The following OR1J2 variants were observed in gnomAD, a reference collection of about 807,000 sequenced individuals.
OR1J2 encodes the protein olfactory receptor family 1 subfamily J member 2.
For missense variants in OR1J2, 304 were observed against 246.1 expected (o/e 1.24, Z -1.57); for synonymous variants, 142 against 99.7 (o/e 1.42, Z -2.52).
At chr9:122,537,477 C>G in the OR1J2 span, among the ~76,000 whole-genome samples, 7 of 152,142 alleles carry the variant, frequency 4.6e-5, no homozygotes, top group Non-Finnish European at 1.0e-4. Context: ...TCTCTCTCTT[C>G]CCTCACTTCC....
At chr9:122,549,999 T>C in the OR1J2 span, among the ~76,000 whole-genome samples, 2 of 152,192 alleles carry the variant, frequency 1.3e-5, no homozygotes, top group Non-Finnish European at 2.9e-5. Context: ...GATCATGGGA[T>C]GTTTTTCCAT....
At chr9:122,453,567 G>A in the OR1J2 span, among the ~76,000 whole-genome samples, 1 of 152,126 alleles carries the variant, frequency 6.6e-6, no homozygotes, top group Non-Finnish European at 1.5e-5. Flanking sequence ...GAGATTGTAG[G>A]GTTATCATAC....
chr9:122,465,389 A>G, the OR1J2 span, among the ~76,000 whole-genome samples: 442 of 152,316 alleles, frequency 2.9e-3, 1 homozygote, highest in African/African-American at 0.01. Flanking sequence ...AATAAGCAGA[A>G]TGGGATCCCA....
chr9:122,526,091 G>T, the OR1J2 span, among the ~76,000 whole-genome samples: 2 of 152,224 alleles, frequency 1.3e-5, no homozygotes, highest in Middle Eastern at 6.8e-3. Flanking sequence ...AATACTAATA[G>T]TAATAATAAT....
the OR1J2 span, among the ~76,000 whole-genome samples, chr9:122,483,100 G>C: frequency 6.0e-4 from 92 of 152,226 alleles, 1 homozygote; most frequent in African/African-American, 2.2e-3. Flanking sequence ...ACATCACACT[G>C]TACCCCATAA....
chr9:122,470,186 G>A, the OR1J2 span, among the ~76,000 whole-genome samples: 1 of 152,216 alleles, frequency 6.6e-6, no homozygotes, highest in Non-Finnish European at 1.5e-5. Context: ...AGACCTGGAG[G>A]TCTAGGAGGG....
At chr9:122,562,810 G>A in the OR1J2 span, among the ~76,000 whole-genome samples, 18 of 151,870 alleles carry the variant, frequency 1.2e-4, no homozygotes, top group Non-Finnish European at 4.4e-5. Flanking sequence ...ACATAATGTC[G>A]ACTAGGTTCA....
the OR1J2 span, chr9:122,567,612 A>G: frequency 6.2e-7 from 1 of 1,613,078 alleles, no homozygotes; most frequent in Non-Finnish European, 8.5e-7. Context: ...CAGGCTGTAG[A>G]TAAAAGGATT....
At chr9:122,512,512 C>A (rs1435532645), downstream of OR1J2, among the ~76,000 whole-genome samples, 2 of 152,202 alleles carry the variant, frequency 1.3e-5, no homozygotes, top group Non-Finnish European at 2.9e-5. Context: ...ATTTATAACA[C>A]CTCATCTGAA....
chr9:122,535,124 G>A, the OR1J2 span, among the ~76,000 whole-genome samples: 54 of 151,962 alleles, frequency 3.6e-4, no homozygotes, highest in African/African-American at 1.3e-3. Flanking sequence ...TAGAGACATG[G>A]AGAGAAGGGA....
chr9:122,453,791 A>G, the OR1J2 span, among the ~76,000 whole-genome samples: 1 of 152,212 alleles, frequency 6.6e-6, no homozygotes, highest in Non-Finnish European at 1.5e-5. Context: ...CTAGACTCCA[A>G]TATGCTAGGC....
chr9:122,481,297 ATTTC>A, the OR1J2 span, among the ~76,000 whole-genome samples: 2 of 152,188 alleles, frequency 1.3e-5, no homozygotes, highest in African/African-American at 4.8e-5. Flanking sequence ...GGTAAAGCGC[ATTTC>A]TTAATCAAGA....
the OR1J2 span, among the ~76,000 whole-genome samples, chr9:122,505,396 A>G: frequency 6.6e-6 from 1 of 152,132 alleles, no homozygotes; most frequent in Non-Finnish European, 1.5e-5. Context: ...TCTCGCTGTC[A>G]TGATAACCTA....
the OR1J2 span, among the ~76,000 whole-genome samples, chr9:122,528,389 G>A: frequency 4.7e-3 from 709 of 152,288 alleles, 5 homozygotes; most frequent in African/African-American, 0.017. Context: ...CCTGAGGTCA[G>A]TAGTTCAAGA....
At chr9:122,466,150 C>G in the OR1J2 span, among the ~76,000 whole-genome samples, 3 of 152,014 alleles carry the variant, frequency 2.0e-5, no homozygotes, top group African/African-American at 7.3e-5. Flanking sequence ...TTGATGTGAC[C>G]CTGAGAGGGC....
the OR1J2 span, among the ~76,000 whole-genome samples, chr9:122,500,094 AAATGCTTGCACAGCCACACTGTC>A: frequency 6.6e-6 from 1 of 152,206 alleles, no homozygotes; most frequent in African/African-American, 2.4e-5. Context: ...CCTTAGACTA[AAATGCTTGCACAGCCACACTGTC>A]AAAGAATAGC....
chr9:122,568,446 GA>G, the OR1J2 span: 4 of 1,608,248 alleles, frequency 2.5e-6, no homozygotes, highest in Non-Finnish European at 3.4e-6. Context: ...GATAAACTCG[GA>G]GACACTGCTG....
the OR1J2 span, among the ~76,000 whole-genome samples, chr9:122,555,138 A>G: frequency 6.6e-6 from 1 of 152,228 alleles, no homozygotes. Context: ...TGGCACAAAA[A>G]AATGTTGCAG....
chr9:122,456,511 GCTAGGAGAATCATGGTTAAATCA>G, the OR1J2 span, among the ~76,000 whole-genome samples: 2 of 152,004 alleles, frequency 1.3e-5, no homozygotes, highest in Non-Finnish European at 2.9e-5. Context: ...GATCCAGGAA[GCTAGGAGAATCATGGTTAAATCA>G]CTAGCTGACC....
Sources: allele counts gnomAD v4.1 joint callset (sites outside exome capture counted in the v4.1 genomes callset), GRCh38; gene constraint gnomAD v4.1.1; transcripts MANE v1.5; gene names NCBI Gene and HGNC (gene_info 2026-07-23, HGNC 2026-07-21).